The following ATP8A1 variants were observed in gnomAD, a reference collection of about 807,000 sequenced individuals.
ATP8A1 encodes phospholipid-transporting ATPase IA.
In ATP8A1, 90 loss-of-function variants were observed where a neutral mutation model predicts 177.7. That is an observed-to-expected ratio of 0.51 (90% CI 0.43 to 0.60). The LOEUF (loss-of-function observed/expected upper bound fraction) is 0.60. Among genes scored for constraint, ATP8A1 ranks in the 20% least tolerant of loss-of-function variants. ATP8A1 has a pLI of 0.00. For synonymous variants in ATP8A1, 493 were observed against 485.9 expected, an observed-to-expected ratio of 1.01 and a Z score of -0.19; for missense variants, 1,072 against 1,392.8, an observed-to-expected ratio of 0.77 and a Z score of 3.67.
chr4:42,472,766 A>G (rs1720588604), intron 25 of ATP8A1, among the ~76,000 whole-genome samples: 1 of 144,232 alleles, frequency 6.9e-6, no homozygotes, highest in Non-Finnish European at 1.5e-5. Flanking sequence ...AAAAAAAAAG[A>G]GAGAAAAAGA....
intron 33 of ATP8A1, among the ~76,000 whole-genome samples, chr4:42,431,456 T>G (rs975848055): frequency 2.6e-5 from 4 of 151,826 alleles, no homozygotes; most frequent in Non-Finnish European, 5.9e-5. Flanking sequence ...CTCTCATTTT[T>G]GTCAAATTTT....
At position 42,590,817 on chromosome 4, in the gene ATP8A1, G is replaced by A. The variant is rs1233272459; in HGVS notation, c.518C>T (p.Ser173Phe). Residue 173 changes from serine to phenylalanine, a missense_variant, in exon 7 of 37, where the codon TCC becomes TTC. By Grantham distance (155) the Ser-to-Phe change is radical. This residue lies in a region of ATP8A1 where 344 missense variants were observed against 393.5 expected (regional missense o/e 0.87). Coordinates refer to ENST00000381668, the MANE Select transcript of ATP8A1 (RefSeq NM_006095.2). The stretch of plus-strand genomic sequence containing the variant: ...ACGACTCAGTGGTTCTAACCTTGAG[G>A]ACAGACTGATGAGATCTGCTGGGAG... The part of the protein sequence containing the change: ...EHLPADLISL[S>F]SSEPQAMCYI... 6.2e-7 allele frequency: 1 copy of A among 1,613,476 alleles called. No homozygotes were observed. Among genetic ancestry groups the A allele is most frequent in the Non-Finnish European group, 8.5e-7 (1 of 1,179,856 alleles).
At chr4:42,533,602 A>G (rs1451288968) in intron 20 of ATP8A1, among the ~76,000 whole-genome samples, 2 of 152,054 alleles carry the variant, frequency 1.3e-5, no homozygotes, top group Non-Finnish European at 2.9e-5. Context: ...ATCTCTTGGG[A>G]GCTCTATGGC....
At chr4:42,573,530 G>GT (rs1732113942) in intron 14 of ATP8A1, among the ~76,000 whole-genome samples, 1 of 152,184 alleles carries the variant, frequency 6.6e-6, no homozygotes, top group Admixed American at 6.5e-5. Context: ...CCGGGAAGCA[G>GT]TAAGTATGCT....
chr4:42,655,885 G>A (rs2109601359), intron 1 of ATP8A1, among the ~76,000 whole-genome samples: 1 of 152,322 alleles, frequency 6.6e-6, no homozygotes, highest in Middle Eastern at 3.4e-3. Flanking sequence ...GTGGGAATCA[G>A]CGATGATGGC....
rs376140046 is a variant in ATP8A1, at chr4:42,654,201, AGTAATAAGTAT to A, written c.49+2613_49+2623del. 2.0e-3 allele frequency among the ~76,000 whole-genome samples: 302 copies of A among 152,344 alleles called. 3 individuals are homozygous for A. The highest frequency in any genetic ancestry group is 7.0e-3 in the African/African-American group (291 of 41,568). On this transcript the variant is annotated intron_variant, in intron 1 of 36. Coordinates refer to ENST00000381668, the MANE Select transcript of ATP8A1 (RefSeq NM_006095.2). ...TGTTCACTCAGCAGGCCTTATGTTC[AGTAATAAGTAT>A]GTACTAAATTCCTAATCTTCCACAG...
chr4:42,619,265 T>C lies in ATP8A1; in HGVS notation c.364-3187A>G, dbSNP rs578047737. ...GTCTCAGTATTTGGTTCCTACGCAT[T>C]GTAGGCTTTGAATAACTGTTTTATA... On this transcript the variant is annotated intron_variant, in intron 4 of 36. Coordinates refer to ENST00000381668, the MANE Select transcript of ATP8A1 (RefSeq NM_006095.2). Among the ~76,000 whole-genome samples, 4 of 152,318 alleles carry C rather than the reference T, an allele frequency of 2.6e-5. No homozygotes were observed. The South Asian group carries it at 8.3e-4, about 32-fold the overall frequency.
At chr4:42,436,016 C>G (rs1349318678) in intron 33 of ATP8A1, among the ~76,000 whole-genome samples, 1 of 152,194 alleles carries the variant, frequency 6.6e-6, no homozygotes, top group African/African-American at 2.4e-5. Context: ...GCCCAATTAA[C>G]TTGGTATTGA....
chr4:42,570,697 G>C (rs1731816898), intron 14 of ATP8A1, among the ~76,000 whole-genome samples: 1 of 152,224 alleles, frequency 6.6e-6, no homozygotes, highest in Non-Finnish European at 1.5e-5. Context: ...AAGTTTCCCT[G>C]TTATTGCTGC....
In ATP8A1 at chr4:42,414,730, G is replaced by T; in HGVS notation, c.3306-12C>A. ...CCCTCTCGGTCAGGCTGCAGAGCAGGTGCAAATGTGTGAAATGAATTATCA... is the reference window on the plus strand; with the variant it reads ...CCCTCTCGGTCAGGCTGCAGAGCAGTTGCAAATGTGTGAAATGAATTATCA... On this transcript the variant is annotated splice_polypyrimidine_tract_variant and intron_variant, in intron 35 of 36. Coordinates refer to ENST00000381668, the MANE Select transcript of ATP8A1 (RefSeq NM_006095.2). 6.2e-7 allele frequency: 1 copy of T among 1,608,008 alleles called. No homozygotes were observed. The highest frequency in any genetic ancestry group is 1.1e-5 in the South Asian group (1 of 90,956).
intron 15 of ATP8A1, among the ~76,000 whole-genome samples, chr4:42,560,973 T>C (rs1730757341): frequency 6.6e-6 from 1 of 152,168 alleles, no homozygotes; most frequent in East Asian, 1.9e-4. Flanking sequence ...TTTAACTTGT[T>C]TTAAACATGT....
At chr4:42,648,373 G>A (rs1488719559) in intron 1 of ATP8A1, among the ~76,000 whole-genome samples, 1 of 151,930 alleles carries the variant, frequency 6.6e-6, no homozygotes, top group Non-Finnish European at 1.5e-5. Flanking sequence ...GGGTGGGGTG[G>A]GGGGAAGGGA....
At chr4:42,594,351 T>G (rs778970720) in intron 6 of ATP8A1, 19 of 1,585,612 alleles carry the variant, frequency 1.2e-5, no homozygotes, top group Middle Eastern at 3.3e-4. Context: ...TAACTATATC[T>G]CCAACATTTA....
rs139738735 is a variant in ATP8A1 at position 42,467,734 on chromosome 4, G to T, written c.2325-2658C>A. 6.6e-5 allele frequency among the ~76,000 whole-genome samples: 10 copies of T among 152,224 alleles called. No homozygotes were observed. In the East Asian group the frequency reaches 1.9e-3, roughly 29 times the overall value. On this transcript the variant is annotated intron_variant, in intron 25 of 36. Coordinates refer to ENST00000381668, the MANE Select transcript of ATP8A1 (RefSeq NM_006095.2). Reference sequence around the variant, plus strand: ...ATGACCCTCTTGGAATAAGATTGAAGACATAATGGATTTCCCTGACCATTA... The same window carrying T: ...ATGACCCTCTTGGAATAAGATTGAATACATAATGGATTTCCCTGACCATTA...
At chr4:42,652,041 G>A (rs970894984) in intron 1 of ATP8A1, among the ~76,000 whole-genome samples, 2 of 152,170 alleles carry the variant, frequency 1.3e-5, no homozygotes, top group African/African-American at 4.8e-5. Flanking sequence ...CACTATCAGG[G>A]TTTCAACTAT....
intron 25 of ATP8A1, among the ~76,000 whole-genome samples, chr4:42,467,793 C>T (rs1240101080): frequency 1.3e-5 from 2 of 152,152 alleles, no homozygotes; most frequent in African/African-American, 2.4e-5. Flanking sequence ...TGTTTGTTGG[C>T]CATCTGTATA....
intron 8 of ATP8A1, among the ~76,000 whole-genome samples, chr4:42,587,490 T>C (rs1733740384): frequency 6.6e-6 from 1 of 151,928 alleles, no homozygotes; most frequent in South Asian, 2.1e-4. Context: ...GTATTTTTAG[T>C]AGAGACAGGG....
intron 5 of ATP8A1, among the ~76,000 whole-genome samples, chr4:42,612,832 T>C (rs1736507429): frequency 6.6e-6 from 1 of 152,176 alleles, no homozygotes; most frequent in Non-Finnish European, 1.5e-5. Context: ...ATTTCTGAAG[T>C]TGCTAAGGAA....
intron 12 of ATP8A1, 31 bp from the exon 13 acceptor site, chr4:42,575,730 C>T (rs1047311421): frequency 2.1e-5 from 33 of 1,556,932 alleles, no homozygotes; most frequent in Non-Finnish European, 2.7e-5. Context: ...TCATTGAACA[C>T]AACTGGTAAT....
Sources: gnomAD v4.1 joint callset for allele counts (sites outside exome capture counted in the v4.1 genomes callset) on GRCh38, gnomAD v4.1.1 for gene constraint, gnomAD v4.1.1 regional missense constraint, MANE v1.5 for transcripts, NCBI Gene and HGNC (gene_info 2026-07-23, HGNC 2026-07-21) for gene names.